The following NR3C2 variants were observed in gnomAD, a reference collection of about 807,000 sequenced individuals.
NR3C2 encodes nuclear receptor subfamily 3 group C member 2.
A neutral mutation model predicts 86.4 loss-of-function variants in NR3C2; 15 were observed. The observed-to-expected ratio is 0.17, with a 90% CI of 0.12 to 0.27. The LOEUF is 0.27. NR3C2 is among the 10% of genes least tolerant of loss of function. The pLI, the probability that NR3C2 is intolerant of heterozygous loss-of-function variation, is 1.00. For synonymous variants in NR3C2, 458 were observed against 450.5 expected (o/e 1.02, Z -0.21); for missense variants, 960 against 1,195.6 (o/e 0.80, Z 2.91).
chr4:148,331,910 G>A (rs547190782), intron 2 of NR3C2, among the ~76,000 whole-genome samples: 1 of 152,262 alleles, frequency 6.6e-6, no homozygotes, highest in East Asian at 1.9e-4. Flanking sequence ...TTGAAGAGGT[G>A]CAGTAAGAGT....
At chr4:148,113,599 G>A (rs1380822729) in intron 8 of NR3C2, among the ~76,000 whole-genome samples, 1 of 152,124 alleles carries the variant, frequency 6.6e-6, no homozygotes, top group Non-Finnish European at 1.5e-5. Flanking sequence ...AAAGCCCTGT[G>A]TATGGCAGAT....
intron 2 of NR3C2, among the ~76,000 whole-genome samples, chr4:148,281,119 T>G (rs760431645): frequency 3.9e-5 from 6 of 152,198 alleles, no homozygotes; most frequent in Non-Finnish European, 5.9e-5. Flanking sequence ...GTTCTCTAAG[T>G]TCACAAGGAC....
chr4:148,139,773 T>G (rs1172319253), intron 6 of NR3C2, among the ~76,000 whole-genome samples: 1 of 152,244 alleles, frequency 6.6e-6, no homozygotes, highest in South Asian at 2.1e-4. Context: ...CCTCCACTTG[T>G]TTTTTTCAGA....
intron 4 of NR3C2, among the ~76,000 whole-genome samples, chr4:148,184,689 T>C (rs939318159): frequency 1.3e-5 from 2 of 152,186 alleles, no homozygotes; most frequent in African/African-American, 4.8e-5. Flanking sequence ...CTGATGGATT[T>C]TATAAAATAG....
At chr4:148,327,056 T>C (rs1257373438) in intron 2 of NR3C2, among the ~76,000 whole-genome samples, 1 of 152,344 alleles carries the variant, frequency 6.6e-6, no homozygotes, top group East Asian at 1.9e-4. Flanking sequence ...TATTCAGTTC[T>C]AGAGTTTCAG....
chr4:148,086,923 C>T (rs1262062784), intron 8 of NR3C2, among the ~76,000 whole-genome samples: 1 of 152,068 alleles, frequency 6.6e-6, no homozygotes, highest in Non-Finnish European at 1.5e-5. Context: ...AACTTCTGGC[C>T]AGGGCAATCA....
intron 2 of NR3C2, among the ~76,000 whole-genome samples, chr4:148,298,332 T>C (rs1742165878): frequency 6.6e-6 from 1 of 152,178 alleles, no homozygotes. Flanking sequence ...AAAACTAACC[T>C]ATGATTAACC....
chr4:148,301,025 C>A (rs536898873), intron 2 of NR3C2, among the ~76,000 whole-genome samples: 14 of 152,262 alleles, frequency 9.2e-5, no homozygotes, highest in African/African-American at 3.4e-4. Context: ...GCAGATGGAT[C>A]CCTGTCAAAG....
At chr4:148,310,132 T>C (rs1361187411) in intron 2 of NR3C2, among the ~76,000 whole-genome samples, 1 of 152,228 alleles carries the variant, frequency 6.6e-6, no homozygotes, top group Non-Finnish European at 1.5e-5. Context: ...TTAAGATACT[T>C]CCTCCTAAAC....
At chr4:148,438,570 G>A (rs1750185363) in intron 1 of NR3C2, among the ~76,000 whole-genome samples, 1 of 151,308 alleles carries the variant, frequency 6.6e-6, no homozygotes, top group Non-Finnish European at 1.5e-5. Flanking sequence ...TCCCCTCTTT[G>A]TCACTATCTC....
At chr4:148,362,922 G>C (rs886292086) in intron 2 of NR3C2, among the ~76,000 whole-genome samples, 2 of 152,216 alleles carry the variant, frequency 1.3e-5, no homozygotes, top group African/African-American at 4.8e-5. Context: ...TCTACATGCC[G>C]TTCAAACACT....
At chr4:148,434,040 A>G (rs1749921918) in intron 2 of NR3C2, among the ~76,000 whole-genome samples, 1 of 152,198 alleles carries the variant, frequency 6.6e-6, no homozygotes, top group African/African-American at 2.4e-5. Flanking sequence ...AAAAAATAGA[A>G]TAAGAGAAAG....
intron 3 of NR3C2, among the ~76,000 whole-genome samples, chr4:148,197,625 T>C (rs895813775): frequency 2.6e-5 from 4 of 152,128 alleles, no homozygotes; most frequent in South Asian, 2.1e-4. Flanking sequence ...AATGCCAGGA[T>C]TGTTCTAAAA....
At chr4:148,268,792 G>A (rs1337444883) in intron 2 of NR3C2, among the ~76,000 whole-genome samples, 1 of 152,192 alleles carries the variant, frequency 6.6e-6, no homozygotes. Flanking sequence ...CTAGGACAAA[G>A]AGTTGAAATG....
chr4:148,143,092 A>G (rs1385536209), intron 6 of NR3C2, among the ~76,000 whole-genome samples: 2 of 152,206 alleles, frequency 1.3e-5, no homozygotes, highest in Non-Finnish European at 2.9e-5. Flanking sequence ...GTATTTCTGT[A>G]CAGCAATGCA....
At chr4:148,095,869 G>A (rs2149713015) in intron 8 of NR3C2, among the ~76,000 whole-genome samples, 1 of 152,170 alleles carries the variant, frequency 6.6e-6, no homozygotes, top group East Asian at 1.9e-4. Context: ...ACTCATCCCG[G>A]CCCCCATCCA....
At chr4:148,369,446 C>T (rs1273845825) in intron 2 of NR3C2, among the ~76,000 whole-genome samples, 3 of 152,094 alleles carry the variant, frequency 2.0e-5, no homozygotes, top group Non-Finnish European at 2.9e-5. Context: ...ATAAATGCCC[C>T]AAATGGTAGC....
chr4:148,220,389 G>A (rs1419281831), intron 3 of NR3C2, among the ~76,000 whole-genome samples: 1 of 152,162 alleles, frequency 6.6e-6, no homozygotes, highest in African/African-American at 2.4e-5. Context: ...CATCCAGCCA[G>A]ATCTTCAATA....
chr4:148,359,279 G>A (rs1376673773), intron 2 of NR3C2, among the ~76,000 whole-genome samples: 3 of 151,072 alleles, frequency 2.0e-5, no homozygotes, highest in East Asian at 1.9e-4. Context: ...TTAAAGGGGG[G>A]AAAAAAAAGA....
Sources: gnomAD v4.1 joint callset for allele counts (sites outside exome capture counted in the v4.1 genomes callset) on GRCh38, gnomAD v4.1.1 for gene constraint, MANE v1.5 for transcripts, NCBI Gene and HGNC (gene_info 2026-07-23, HGNC 2026-07-21) for gene names.